OSTF1: variants seen among roughly 807,000 people sequenced by gnomAD.
The protein encoded by OSTF1 is osteoclast stimulating factor 1, also known as osteoclast-stimulating factor 1.
In OSTF1, 27 loss-of-function variants were observed where a neutral mutation model predicts 37.2. The observed-to-expected ratio is 0.73, with a 90% CI of 0.54 to 1.00. The LOEUF (loss-of-function observed/expected upper bound fraction) is 1.00. Among genes scored for constraint, OSTF1 ranks in the 50% least tolerant of loss-of-function variants. The pLI is 0.00. For synonymous variants in OSTF1, 82 were observed against 89.2 expected, an observed-to-expected ratio of 0.92 and a Z score of 0.46; for missense variants, 232 against 253.8, an observed-to-expected ratio of 0.91 and a Z score of 0.58.
At chr9:75,103,521 G>A (rs537399883) in intron 1 of OSTF1, among the ~76,000 whole-genome samples, 60 of 152,184 alleles carry the variant, frequency 3.9e-4, no homozygotes, top group South Asian at 8.3e-4. Context: ...GTTTTACATA[G>A]CTGATTGCAT....
chr9:75,132,900 A>G (rs1005676125), intron 5 of OSTF1, among the ~76,000 whole-genome samples: 1 of 151,862 alleles, frequency 6.6e-6, no homozygotes, highest in Non-Finnish European at 1.5e-5. Flanking sequence ...GCTTGTTCTT[A>G]GGTTTGATTG....
At chr9:75,124,498 A>T (rs1825631677) in intron 2 of OSTF1, among the ~76,000 whole-genome samples, 1 of 152,124 alleles carries the variant, frequency 6.6e-6, no homozygotes, top group Non-Finnish European at 1.5e-5. Context: ...TGATTTTTAG[A>T]TCTCACAAAT....
At chr9:75,132,028 G>A (rs954005541) in intron 5 of OSTF1, among the ~76,000 whole-genome samples, 2 of 152,220 alleles carry the variant, frequency 1.3e-5, no homozygotes, top group African/African-American at 4.8e-5. Context: ...CTAGAGAAGT[G>A]TGATTTTAGT....
rs1242050180 is a variant in OSTF1 at position 75,132,962 on chromosome 9, TACACAC to T, written c.251-328_251-323del. Among the ~76,000 whole-genome samples the T allele has an allele frequency of 1.3e-3, 126 of 97,768 alleles. No homozygotes were observed. The Middle Eastern group carries it at 0.015, about 12-fold the overall frequency. 64.1% of individuals were successfully genotyped at this position (97,768 alleles called of 152,430 possible). A position where few individuals can be genotyped will look rare whatever the true frequency, so the allele number is the denominator to read the frequency against. On this transcript the variant is annotated intron_variant, in intron 5 of 9. Transcript: ENST00000346234. ...CAAAGAAAAAAATAATATATACACA[TACACAC>T]ACATACACACACACACACACACACA...
chr9:75,106,132 G>T (rs1329884674), intron 1 of OSTF1, among the ~76,000 whole-genome samples: 1 of 152,180 alleles, frequency 6.6e-6, no homozygotes, highest in Admixed American at 6.5e-5. Context: ...TGGTGTTAGA[G>T]AGAGGAGGGA....
At chr9:75,105,017 A>T (rs1275269367) in intron 1 of OSTF1, among the ~76,000 whole-genome samples, 1 of 152,208 alleles carries the variant, frequency 6.6e-6, no homozygotes, top group Non-Finnish European at 1.5e-5. Context: ...AGTACTTTGC[A>T]TGGTGTCTGG....
chr9:75,110,114 T>C (rs7848243), intron 1 of OSTF1, among the ~76,000 whole-genome samples: 11,830 of 152,184 alleles, frequency 0.078, 982 homozygotes, highest in African/African-American at 0.21. Context: ...CCATAGTTTA[T>C]GTTAGGGTTT....
intron 1 of OSTF1, among the ~76,000 whole-genome samples, chr9:75,102,609 C>T (rs958033480): frequency 3.3e-5 from 5 of 152,306 alleles, no homozygotes; most frequent in African/African-American, 4.8e-5. Context: ...TTTAATCTCT[C>T]GCCATCTTTT....
intron 1 of OSTF1, among the ~76,000 whole-genome samples, chr9:75,110,279 C>CTG (rs1825363822): frequency 6.6e-5 from 10 of 152,186 alleles, no homozygotes; most frequent in African/African-American, 2.4e-4. Flanking sequence ...CCTTGACAAC[C>CTG]ACTGATCTTT....
Position 75,114,809 on chromosome 9 carries a change from C to T in OSTF1, c.35-2695C>T, listed in dbSNP as rs572762963. Reference sequence around the variant, plus strand: ...CCTCAAGCAGTCCACCTGCCTTGGCCTCCCAAAGTGCTGGGATTACAGGCA... The same window carrying T: ...CCTCAAGCAGTCCACCTGCCTTGGCTTCCCAAAGTGCTGGGATTACAGGCA... On this transcript the variant is annotated intron_variant, in intron 1 of 9. Transcript: ENST00000346234. 1.2e-4 allele frequency among the ~76,000 whole-genome samples: 19 copies of T among 152,332 alleles called. No individual in the cohort carries two copies. In the South Asian group the frequency reaches 3.9e-3, roughly 32 times the overall value.
intron 2 of OSTF1, among the ~76,000 whole-genome samples, chr9:75,120,969 C>T (rs1000764064): frequency 6.6e-6 from 1 of 152,198 alleles, no homozygotes; most frequent in African/African-American, 2.4e-5. Context: ...GCCTCTCCTG[C>T]CTCTGAACTT....
At chr9:75,092,572 A>T (rs1405201995) in intron 1 of OSTF1, among the ~76,000 whole-genome samples, 2 of 152,084 alleles carry the variant, frequency 1.3e-5, no homozygotes, top group African/African-American at 2.4e-5. Context: ...TAAAAATATA[A>T]TTTTTTTATT....
intron 8 of OSTF1, among the ~76,000 whole-genome samples, chr9:75,140,105 A>G (rs1825915840): frequency 1.3e-5 from 2 of 152,244 alleles, no homozygotes; most frequent in Admixed American, 1.3e-4. Flanking sequence ...AGTTTTAAAA[A>G]CATGAAATCA....
At chr9:75,098,826 G>A (rs748116948) in intron 1 of OSTF1, among the ~76,000 whole-genome samples, 1 of 152,202 alleles carries the variant, frequency 6.6e-6, no homozygotes, top group Admixed American at 6.5e-5. Context: ...GGTTTTCAGT[G>A]CTTATCTCTA....
Position 75,088,664 on chromosome 9 carries a change from C to T in OSTF1, c.-29C>T, listed in dbSNP as rs1055631288. 3 of 1,603,134 alleles carry T rather than the reference C, an allele frequency of 1.9e-6. No individual in the cohort carries two copies. The highest frequency in any genetic ancestry group is 3.4e-5 in the Admixed American group (2 of 58,766). On this transcript the variant is annotated 5_prime_UTR_variant, in exon 1 of 10. Coordinates refer to ENST00000346234, the MANE Select transcript of OSTF1 (RefSeq NM_012383.5). ...CAAGCGGTGGGCTTTTCGGCGGGGT[C>T]TTTAGGATTTGCAGCTCCAGGAAGC...
chr9:75,123,409 G>A (rs1227033880), intron 2 of OSTF1, among the ~76,000 whole-genome samples: 4 of 152,206 alleles, frequency 2.6e-5, no homozygotes, highest in African/African-American at 9.6e-5. Context: ...GGGCGACAGT[G>A]AGACTCCGTC....
intron 1 of OSTF1, among the ~76,000 whole-genome samples, chr9:75,097,904 C>G (rs1825117280): frequency 6.7e-6 from 1 of 148,728 alleles, no homozygotes; most frequent in Non-Finnish European, 1.5e-5. Context: ...GTTGCCCAGG[C>G]TGAGTGTGGT....
chr9:75,111,120 G>A (rs1825379237), intron 1 of OSTF1, among the ~76,000 whole-genome samples: 1 of 152,074 alleles, frequency 6.6e-6, no homozygotes, highest in African/African-American at 2.4e-5. Flanking sequence ...GCTCAAATTT[G>A]TAAGCCCCAG....
intron 9 of OSTF1, among the ~76,000 whole-genome samples, chr9:75,145,849 T>C (rs1826015845): frequency 6.6e-6 from 1 of 152,154 alleles, no homozygotes; most frequent in South Asian, 2.1e-4. Flanking sequence ...GCTGTCTTTG[T>C]TAGGATGCTT....
Sources: gnomAD v4.1 joint callset for allele counts (sites outside exome capture counted in the v4.1 genomes callset) on GRCh38, gnomAD v4.1.1 for gene constraint, MANE v1.5 for transcripts, NCBI Gene and HGNC (gene_info 2026-07-23, HGNC 2026-07-21) for gene names.